The following MBNL2 variants were observed in gnomAD, a reference collection of about 807,000 sequenced individuals.
MBNL2 encodes muscleblind-like protein 2.
MBNL2 carries 17 observed loss-of-function variants against 41.9 expected under a neutral mutation model. That is an observed-to-expected ratio of 0.41 (90% CI 0.28 to 0.61). The LOEUF is 0.61. MBNL2 is among the 20% of genes least tolerant of loss of function. The pLI, the probability that MBNL2 is intolerant of heterozygous loss-of-function variation, is 0.35. For synonymous variants in MBNL2, 195 were observed against 182.9 expected, an observed-to-expected ratio of 1.07 and a Z score of -0.53; for missense variants, 336 against 505.6, an observed-to-expected ratio of 0.66 and a Z score of 3.22.
chr13:97,260,053 T>A (rs936374623), intron 1 of MBNL2, among the ~76,000 whole-genome samples: 1 of 152,120 alleles, frequency 6.6e-6, no homozygotes, highest in Non-Finnish European at 1.5e-5. Context: ...CAAGTATGCA[T>A]GTGAGTGTTA....
At chr13:97,330,587 G>T (rs1205443991) in intron 2 of MBNL2, among the ~76,000 whole-genome samples, 2 of 152,220 alleles carry the variant, frequency 1.3e-5, no homozygotes, top group Non-Finnish European at 2.9e-5. Context: ...AAAATCAGAA[G>T]ACACTATTTT....
intron 1 of MBNL2, among the ~76,000 whole-genome samples, chr13:97,252,393 A>G (rs1465086268): frequency 6.8e-6 from 1 of 147,696 alleles, no homozygotes; most frequent in African/African-American, 2.7e-5. Flanking sequence ...GTTCTTCCCC[A>G]TACCCATACA....
chr13:97,276,229 T>C lies in MBNL2; in HGVS notation c.-7T>C. On this transcript the variant is annotated 5_prime_UTR_variant, in exon 2 of 9. Transcript: ENST00000679496. ...CAGAAACAAACAGCCCAAATTACTT[T>C]ATCACCATGGCTTTGAACGTTGCCC... The C allele has an allele frequency of 6.2e-7, 1 of 1,609,790 alleles. No homozygotes were observed. The highest frequency in any genetic ancestry group is 1.1e-5 in the South Asian group (1 of 90,418).
At chr13:97,231,437 T>C (rs892491927) in intron 1 of MBNL2, among the ~76,000 whole-genome samples, 1 of 152,198 alleles carries the variant, frequency 6.6e-6, no homozygotes, top group Non-Finnish European at 1.5e-5. Flanking sequence ...ACTGCCACAA[T>C]GTGAGTGGCA....
At chr13:97,281,154 C>G (rs186925290) in intron 2 of MBNL2, among the ~76,000 whole-genome samples, 16 of 152,274 alleles carry the variant, frequency 1.1e-4, no homozygotes, top group Admixed American at 1.0e-3. Flanking sequence ...TGCATGTTCT[C>G]CATGTTCATC....
At chr13:97,199,496 A>G in the MBNL2 span, among the ~76,000 whole-genome samples, 1 of 152,246 alleles carries the variant, frequency 6.6e-6, no homozygotes, top group African/African-American at 2.4e-5. Context: ...GGGCTTAAGT[A>G]TTAATTGTGG....
intron 1 of MBNL2, among the ~76,000 whole-genome samples, chr13:97,257,844 C>T (rs536225294): frequency 1.3e-5 from 2 of 152,348 alleles, no homozygotes; most frequent in South Asian, 2.1e-4. Flanking sequence ...TGAAGAACCA[C>T]GTGTGCATCT....
At chr13:97,345,893 C>T (rs1364358521) in intron 4 of MBNL2, among the ~76,000 whole-genome samples, 1 of 151,946 alleles carries the variant, frequency 6.6e-6, no homozygotes, top group Non-Finnish European at 1.5e-5. Context: ...AAACCTATAG[C>T]ATTGTCAGAA....
intron 5 of MBNL2, among the ~76,000 whole-genome samples, chr13:97,355,557 G>A (rs1174671450): frequency 6.6e-6 from 1 of 151,930 alleles, no homozygotes; most frequent in Non-Finnish European, 1.5e-5. Context: ...TTGCATTGGA[G>A]CAATTCCTTT....
chr13:97,385,352 T>C (rs1289316976), intron 8 of MBNL2, among the ~76,000 whole-genome samples: 1 of 152,210 alleles, frequency 6.6e-6, no homozygotes, highest in Non-Finnish European at 1.5e-5. Flanking sequence ...CTTAGTAGTT[T>C]AGCAAGGCTG....
intron 2 of MBNL2, among the ~76,000 whole-genome samples, chr13:97,277,312 T>C (rs899283017): frequency 2.6e-5 from 4 of 152,186 alleles, no homozygotes; most frequent in Non-Finnish European, 2.9e-5. Flanking sequence ...GGCATAATAA[T>C]ATTGTTTTCA....
At chr13:97,347,818 G>A (rs1262918407) in intron 5 of MBNL2, among the ~76,000 whole-genome samples, 2 of 152,106 alleles carry the variant, frequency 1.3e-5, no homozygotes, top group African/African-American at 4.8e-5. Flanking sequence ...ACCATTATTA[G>A]GATCACCTAG....
chr13:97,169,058 T>C, the MBNL2 span, among the ~76,000 whole-genome samples: 1 of 152,204 alleles, frequency 6.6e-6, no homozygotes, highest in Admixed American at 6.5e-5. Flanking sequence ...CTTTGTCGCA[T>C]GGCTTCTCAT....
At position 97,275,750 on chromosome 13, in the gene MBNL2, G is replaced by A. The variant is rs1363334210; in HGVS notation, c.-486G>A. 2 of 153,040 alleles carry A rather than the reference G, an allele frequency of 1.3e-5. No homozygotes were observed. The highest frequency in any genetic ancestry group is 4.8e-5 in the African/African-American group (2 of 41,448). The allele number at this position is 153,040 out of a possible 1,614,324, so 9.5% of individuals were successfully genotyped here. On this transcript the variant is annotated 5_prime_UTR_variant, in exon 2 of 9. In the 5' UTR this introduces an upstream ATG that the reference lacks. Transcript: ENST00000679496. ...AGTACACTTTACCCTGACCTTATGAGTGGATGAAGATACCTCAGTTGTCTG... is the reference window on the plus strand; with the variant it reads ...AGTACACTTTACCCTGACCTTATGAATGGATGAAGATACCTCAGTTGTCTG...
At chr13:97,224,327 C>T (rs149597309) in intron 1 of MBNL2, among the ~76,000 whole-genome samples, 3 of 152,290 alleles carry the variant, frequency 2.0e-5, no homozygotes, top group East Asian at 3.9e-4. Flanking sequence ...TGTCCTAGCA[C>T]AGATGGCCCC....
chr13:97,165,444 T>A, the MBNL2 span, among the ~76,000 whole-genome samples: 1 of 152,186 alleles, frequency 6.6e-6, no homozygotes, highest in Non-Finnish European at 1.5e-5. Context: ...CATCCTGACA[T>A]CATTTTTAAA....
At chr13:97,367,032 A>ACCT (rs1037159481) in intron 8 of MBNL2, among the ~76,000 whole-genome samples, 8 of 152,094 alleles carry the variant, frequency 5.3e-5, no homozygotes, top group African/African-American at 1.9e-4. Flanking sequence ...TGATCATTTG[A>ACCT]CCTCAGTCTT....
the MBNL2 span, among the ~76,000 whole-genome samples, chr13:97,205,376 C>T: frequency 1.3e-5 from 2 of 150,490 alleles, no homozygotes; most frequent in East Asian, 1.9e-4. Flanking sequence ...GGTGACAGAG[C>T]GAGACTCTGT....
intron 8 of MBNL2, among the ~76,000 whole-genome samples, chr13:97,371,014 T>C (rs1449106777): frequency 3.9e-5 from 6 of 152,132 alleles, no homozygotes; most frequent in African/African-American, 1.2e-4. Context: ...AATCTTAGAG[T>C]GTACATTAGA....
Sources: gnomAD v4.1 joint callset for allele counts (sites outside exome capture counted in the v4.1 genomes callset) on GRCh38, gnomAD v4.1.1 for gene constraint, MANE v1.5 for transcripts, NCBI Gene and HGNC (gene_info 2026-07-23, HGNC 2026-07-21) for gene names.